The following DEPTOR variants were observed in gnomAD, a reference collection of about 807,000 sequenced individuals.
DEPTOR encodes the protein DEP domain containing MTOR interacting protein.
Under a neutral mutation model 41.6 loss-of-function variants are expected in DEPTOR, and 41 were observed. The observed-to-expected ratio is 0.98, with a 90% confidence interval of 0.77 to 1.28. The LOEUF (loss-of-function observed/expected upper bound fraction) is 1.28. Among genes scored for constraint, DEPTOR ranks in the 50% most tolerant of loss-of-function variants. The pLI is 0.00. For synonymous variants in DEPTOR, 195 were observed against 192.3 expected (o/e 1.01, Z -0.12); for missense variants, 514 against 527.9 (o/e 0.97, Z 0.26).
At chr8:120,019,314 A>C (rs879322370) in intron 8 of DEPTOR, among the ~76,000 whole-genome samples, 4 of 152,196 alleles carry the variant, frequency 2.6e-5, no homozygotes, top group Non-Finnish European at 5.9e-5. Context: ...AAAATAAAAA[A>C]TAAAATAAAA....
At chr8:120,025,652 G>A (rs1477439212) in intron 8 of DEPTOR, among the ~76,000 whole-genome samples, 1 of 152,056 alleles carries the variant, frequency 6.6e-6, no homozygotes, top group African/African-American at 2.4e-5. Flanking sequence ...TTTTCTCTTT[G>A]CCCTCCGATT....
intron 3 of DEPTOR, among the ~76,000 whole-genome samples, chr8:119,956,626 G>A (rs2129942027): frequency 6.7e-6 from 1 of 150,104 alleles, no homozygotes; most frequent in East Asian, 2.0e-4. Context: ...AGGAGTCTGT[G>A]TCTGTGTCTT....
At chr8:119,933,584 A>G (rs528988183) in intron 3 of DEPTOR, among the ~76,000 whole-genome samples, 13 of 151,978 alleles carry the variant, frequency 8.6e-5, no homozygotes, top group African/African-American at 3.1e-4. Context: ...TAGATGGAGC[A>G]TTACTTTACT....
intron 5 of DEPTOR, among the ~76,000 whole-genome samples, 186 bp from the exon 6 acceptor site, chr8:120,002,791 A>AATATATATATATATATATATATATAT (rs1177103228): frequency 7.4e-4 from 45 of 60,578 alleles, no homozygotes; most frequent in Admixed American, 1.8e-3. Flanking sequence ...AAAAAAAAAA[A>AATATATATATATATATATATATATAT]ATATATATAT....
intron 6 of DEPTOR, among the ~76,000 whole-genome samples, chr8:120,004,616 G>A (rs1812405362): frequency 6.6e-6 from 1 of 152,176 alleles, no homozygotes; most frequent in Admixed American, 6.5e-5. Flanking sequence ...CCCTGAGGTA[G>A]GTTAGCATGT....
chr8:119,923,424 G>A (rs1191961351), intron 1 of DEPTOR, among the ~76,000 whole-genome samples: 1 of 151,690 alleles, frequency 6.6e-6, no homozygotes, highest in African/African-American at 2.4e-5. Context: ...TTGTATTTTT[G>A]TAGAGATGGG....
At chr8:119,912,772 C>T (rs1827761014) in intron 1 of DEPTOR, among the ~76,000 whole-genome samples, 1 of 152,204 alleles carries the variant, frequency 6.6e-6, no homozygotes, top group Non-Finnish European at 1.5e-5. Context: ...GCTCCCTGGC[C>T]TTGTGGCTTA....
intron 4 of DEPTOR, among the ~76,000 whole-genome samples, chr8:119,967,886 T>C (rs1225732610): frequency 2.6e-5 from 4 of 152,194 alleles, no homozygotes; most frequent in African/African-American, 4.8e-5. Context: ...TACTGTGTAT[T>C]GGAGTCAAAT....
chr8:119,931,408 A>G (rs1828041989), intron 3 of DEPTOR, among the ~76,000 whole-genome samples: 1 of 152,152 alleles, frequency 6.6e-6, no homozygotes. Context: ...GACAGCAGCA[A>G]TAGAACCTAC....
In DEPTOR at chr8:119,885,326, T is replaced by C. The variant is rs539197183; in HGVS notation, c.122+11358T>C. Among the ~76,000 whole-genome samples the C allele has an allele frequency of 9.2e-5, 14 of 152,318 alleles. No individual in the cohort carries two copies. In the East Asian group the frequency reaches 2.7e-3, roughly 29 times the overall value. ...TGCCCCTTAATCATCTTAAGTTATA[T>C]TGTGGTTGATAAAATAAGACTTTAC... On this transcript the variant is annotated intron_variant, in intron 1 of 8. Transcript: ENST00000286234.
At chr8:119,927,178 C>T (rs756136246) in intron 1 of DEPTOR, among the ~76,000 whole-genome samples, 4 of 152,076 alleles carry the variant, frequency 2.6e-5, no homozygotes, top group Non-Finnish European at 4.4e-5. Context: ...GTTCTGGAAC[C>T]ACTGGGTGCA....
intron 8 of DEPTOR, among the ~76,000 whole-genome samples, chr8:120,035,688 T>C (rs772430704): frequency 1.4e-4 from 21 of 152,158 alleles, no homozygotes; most frequent in Non-Finnish European, 2.2e-4. Flanking sequence ...CCCACTATCA[T>C]GTCCAGCTAA....
chr8:119,938,585 T>A (rs1219446439), intron 3 of DEPTOR, among the ~76,000 whole-genome samples: 1 of 152,202 alleles, frequency 6.6e-6, no homozygotes, highest in Non-Finnish European at 1.5e-5. Flanking sequence ...CAATCTTGGC[T>A]GGTTGCAATC....
Position 119,929,878 on chromosome 8 carries a change from G to A in DEPTOR, c.365G>A (p.Gly122Asp), listed in dbSNP as rs761649375. 1.2e-6 allele frequency: 2 copies of A among 1,613,868 alleles called. No homozygotes were observed. Among genetic ancestry groups the A allele is most frequent in the Non-Finnish European group, 1.7e-6 (2 of 1,179,850 alleles). ...TTCTACCGCTTTAGAAAGGATGACG[G>A]CACCTTCCCATTGGATAATGAAGTG... ...KLFYRFRKDD[G>D]TFPLDNEVKA... Residue 122 changes from glycine (G) to aspartate (D), a missense_variant, in exon 3 of 9, where the codon GGC (glycine) becomes GAC (aspartate). Physicochemically the swap from Gly to Asp is moderately conservative, Grantham distance 94. Coordinates refer to ENST00000286234, the MANE Select transcript of DEPTOR (RefSeq NM_022783.4).
At chr8:120,040,114 T>C (rs1258037314) in intron 8 of DEPTOR, among the ~76,000 whole-genome samples, 1 of 152,066 alleles carries the variant, frequency 6.6e-6, no homozygotes, top group African/African-American at 2.4e-5. Flanking sequence ...AAAGTTCTGG[T>C]ATTACAGGCA....
intron 8 of DEPTOR, among the ~76,000 whole-genome samples, chr8:120,017,917 C>T (rs935972141): frequency 1.3e-5 from 2 of 152,210 alleles, no homozygotes; most frequent in South Asian, 2.1e-4. Context: ...GTGGACTTAA[C>T]GGGGCCTTTT....
intron 4 of DEPTOR, among the ~76,000 whole-genome samples, chr8:119,998,666 G>A (rs1033402129): frequency 7.2e-5 from 11 of 152,102 alleles, no homozygotes; most frequent in African/African-American, 2.4e-4. Context: ...TAAAATTGAG[G>A]CAATAAATAA....
chr8:120,013,053 A>G (rs1015953416), intron 8 of DEPTOR, among the ~76,000 whole-genome samples: 1 of 151,710 alleles, frequency 6.6e-6, no homozygotes, highest in African/African-American at 2.4e-5. Context: ...GCTACTCAAG[A>G]GACTGAGGCA....
At chr8:119,982,924 C>G (rs766102358) in intron 4 of DEPTOR, among the ~76,000 whole-genome samples, 7 of 152,214 alleles carry the variant, frequency 4.6e-5, no homozygotes, top group Non-Finnish European at 8.8e-5. Context: ...GGGCACACTA[C>G]TGCCCTGAGC....
Sources: gnomAD v4.1 joint callset for allele counts (sites outside exome capture counted in the v4.1 genomes callset) on GRCh38, gnomAD v4.1.1 for gene constraint, MANE v1.5 for transcripts, NCBI Gene and HGNC (gene_info 2026-07-23, HGNC 2026-07-21) for gene names.